Variants in ADH1B observed in about 807,000 individuals in gnomAD.
The protein encoded by ADH1B is alcohol dehydrogenase 1B (class I), beta polypeptide.
Under a neutral mutation model 34.6 loss-of-function variants are expected in ADH1B, and 29 were observed. The observed-to-expected ratio is 0.84, with a 90% CI of 0.62 to 1.14. ADH1B has a LOEUF of 1.14. Ranked by LOEUF, ADH1B falls within the 50% of genes most tolerant of loss-of-function variation. ADH1B has a pLI of 0.00. For missense variants in ADH1B, 424 were observed against 468.4 expected, an observed-to-expected ratio of 0.91 and a Z score of 0.87; for synonymous variants, 170 against 175.5, an observed-to-expected ratio of 0.97 and a Z score of 0.25.
At chr4:99,317,686 A>G (rs889436670) in intron 3 of ADH1B, 3 of 215,016 alleles carry the variant, frequency 1.4e-5, no homozygotes, top group African/African-American at 4.6e-5. Context: ...TTCTACTTCT[A>G]TCTGGGCCCT....
At chr4:99,317,743 A>G (rs915109069) in intron 3 of ADH1B, 2 of 338,770 alleles carry the variant, frequency 5.9e-6, no homozygotes, top group Non-Finnish European at 1.1e-5. Context: ...TTACTGGACT[A>G]TGAATGCCAC....
At chr4:99,316,875 C>G (rs966833371) in intron 3 of ADH1B, 4 of 151,136 alleles carry the variant, frequency 2.6e-5, no homozygotes, top group Non-Finnish European at 5.9e-5. Flanking sequence ...AAAAATGGGA[C>G]AAAGAAGAAT....
chr4:99,310,476 GT>G (rs1021482497), intron 8 of ADH1B: 113 of 360,488 alleles, frequency 3.1e-4, no homozygotes, highest in East Asian at 5.3e-4. Flanking sequence ...TTTTTGTGGG[GT>G]TTTTTTTGGG....
chr4:99,308,698 A>G (rs1200351368), intron 8 of ADH1B, among the ~76,000 whole-genome samples: 1 of 152,082 alleles, frequency 6.6e-6, no homozygotes, highest in Non-Finnish European at 1.5e-5. Flanking sequence ...ATGTATATGC[A>G]TATGCATATA....
At chr4:99,314,288 T>TTTGTAA in intron 5 of ADH1B, 1 of 769,240 alleles carries the variant, frequency 1.3e-6, no homozygotes, top group Non-Finnish European at 2.0e-6. Flanking sequence ...TGATGCATAT[T>TTTGTAA]AGATTCATCT....
rs1733738237 is a variant in ADH1B, at chr4:99,310,889, CT to C, written c.978del (p.Glu327LysfsTer20). On this transcript the variant is annotated frameshift_variant, in exon 8 of 9. Transcript: ENST00000305046. LOFTEE classifies it high-confidence loss of function. ...TCAGCCACAAGTTTTGGGATACCTT[CT>C]TTACTCTTAAAGCCTGAAAAGAAGA... ...KGAVYGGFKS[K>X]EGIPKLVADF... The C allele has an allele frequency of 6.2e-7, 1 of 1,613,338 alleles. No individual in the cohort carries two copies.
rs1364064295 is a variant in ADH1B at position 99,305,545 on chromosome 4, C to A, written c.*2295G>T. 2 of 82,570 alleles carry A rather than the reference C, an allele frequency of 2.4e-5. No individual in the cohort carries two copies. The highest frequency in any genetic ancestry group is 4.5e-5 in the Non-Finnish European group (2 of 44,472). The allele number at this position is 82,570 out of a possible 1,614,324, so 5.1% of individuals were successfully genotyped here. ...ATATACAATCACTTAACTATATGAACCACTTGCCCCATAGTGTATATATAT... is the reference window on the plus strand; with the variant it reads ...ATATACAATCACTTAACTATATGAAACACTTGCCCCATAGTGTATATATAT... On this transcript the variant is annotated 3_prime_UTR_variant, in exon 9 of 9. Transcript: ENST00000305046.
intron 6 of ADH1B, among the ~76,000 whole-genome samples, chr4:99,312,030 C>A (rs922977668): frequency 3.3e-5 from 5 of 152,198 alleles, no homozygotes; most frequent in Non-Finnish European, 7.3e-5. Context: ...TTCTACTGTC[C>A]ATTTCTCAAA....
At chr4:99,310,651 A>G (rs1354650465) in intron 8 of ADH1B, 114 bp downstream of exon 8, 2 of 1,387,122 alleles carry the variant, frequency 1.4e-6, no homozygotes, top group Admixed American at 2.6e-5. Flanking sequence ...CTGAACTGGT[A>G]ATGGAAAACC....
chr4:99,310,672 A>G, intron 8 of ADH1B, 93 bp downstream of exon 8: 2 of 1,495,724 alleles, frequency 1.3e-6, no homozygotes, highest in Non-Finnish European at 8.9e-7. Flanking sequence ...AAGGGACTCT[A>G]TATTTTCTCA....
intron 6 of ADH1B, among the ~76,000 whole-genome samples, chr4:99,312,293 C>T (rs1346163592): frequency 1.3e-5 from 2 of 152,244 alleles, no homozygotes; most frequent in Non-Finnish European, 1.5e-5. Context: ...CACTTGGTAT[C>T]TTAAGATAAG....
chr4:99,316,199 A>G lies in ADH1B; in HGVS notation c.347+16T>C. ...GCAAACTCAAAGTCTGTGCAAAGAGAGCATCAGAAACCTACTCATTTTTCA... is the reference window on the plus strand; with the variant it reads ...GCAAACTCAAAGTCTGTGCAAAGAGGGCATCAGAAACCTACTCATTTTTCA... On this transcript the variant is annotated intron_variant, in intron 4 of 8. Transcript: ENST00000305046. 1 of 1,614,096 alleles carries G rather than the reference A, an allele frequency of 6.2e-7. No individual in the cohort carries two copies. The highest frequency in any genetic ancestry group is 8.5e-7 in the Non-Finnish European group (1 of 1,179,938).
At chr4:99,315,696 C>A in intron 5 of ADH1B, 1 of 655,624 alleles carries the variant, frequency 1.5e-6, no homozygotes, top group South Asian at 2.0e-5. Context: ...TAAATGACAT[C>A]TTTATTCGTA....
chr4:99,315,121 T>C (rs959786918), intron 5 of ADH1B: 1 of 152,158 alleles, frequency 6.6e-6, no homozygotes, highest in African/African-American at 2.4e-5. Flanking sequence ...CAGCAGGAGA[T>C]TTGAAAAAGA....
In ADH1B at chr4:99,316,297, T is replaced by C; in HGVS notation, c.265A>G (p.Lys89Glu). The change falls in exon 4 of 9, where the codon AAA (lysine) becomes GAA (glutamate). Residue 89 changes from lysine to glutamate, a missense_variant. Coordinates refer to ENST00000305046, the MANE Select transcript of ADH1B (RefSeq NM_000668.6). ...TGAGGAGTAAAGAGCGGGATGACTT[T>C]ATCACCTGGAGAGGAATAAAACAAG... ...EGVTTVKPGD[K>E]VIPLFTPQCG... 6.2e-7 allele frequency: 1 copy of C among 1,613,768 alleles called. No individual in the cohort carries two copies. The highest frequency in any genetic ancestry group is 8.5e-7 in the Non-Finnish European group (1 of 1,179,914).
At chr4:99,310,648 G>T in intron 8 of ADH1B, 117 bp downstream of exon 8, 2 of 1,363,686 alleles carry the variant, frequency 1.5e-6, no homozygotes, top group Admixed American at 2.6e-5. Context: ...AGACTGAACT[G>T]GTAATGGAAA....
chr4:99,308,124 C>G (rs1733658562), intron 8 of ADH1B, among the ~76,000 whole-genome samples: 1 of 152,102 alleles, frequency 6.6e-6, no homozygotes, highest in African/African-American at 2.4e-5. Flanking sequence ...ATTAATTCTA[C>G]ATTAGCATCT....
In ADH1B at chr4:99,305,559, GTGTATATATATATATATATATATATA is replaced by G. The variant is rs1253405666; in HGVS notation, c.*2255_*2280del. 176 of 43,104 alleles carry G rather than the reference GTGTATATATATATATATATATATATA, an allele frequency of 4.1e-3. 5 individuals carry two copies. The highest frequency in any genetic ancestry group is 5.6e-3 in the Non-Finnish European group (139 of 25,020). 2.7% of individuals were successfully genotyped at this position (43,104 alleles called of 1,614,324 possible). A position where few individuals can be genotyped will look rare whatever the true frequency, so the allele number is the denominator to read the frequency against. On this transcript the variant is annotated 3_prime_UTR_variant, in exon 9 of 9. Transcript: ENST00000305046. Reference sequence around the variant, plus strand: ...AACTATATGAACCACTTGCCCCATAGTGTATATATATATATATATATATATATATATATATATATATATATATATAC... The same window carrying G: ...AACTATATGAACCACTTGCCCCATAGTATATATATATATATATATATATAC...
In ADH1B at chr4:99,310,817, A is replaced by C; in HGVS notation, c.1051T>G (p.Leu351Val). Reference protein sequence around the residue: ...FSLDALITHVLPFEKINEGFD... With the variant: ...FSLDALITHVVPFEKINEGFD... The stretch of plus-strand genomic sequence containing the variant: ...CCTTCATTTATTTTTTCAAAAGGTA[A>C]AACATGGGTTATTAACGCATCCAGT... The change falls in exon 8 of 9, where the codon TTA becomes GTA. Residue 351 changes from leucine (L) to valine (V), a missense_variant. Around this residue, in one of 3 missense-constraint regions of ADH1B, gnomAD observed 130 missense variants for 151.8 expected, o/e 0.86. Transcript: ENST00000305046. 1 of 1,613,044 alleles carries C rather than the reference A, an allele frequency of 6.2e-7. No homozygotes were observed. The highest frequency in any genetic ancestry group is 1.1e-5 in the South Asian group (1 of 90,650).
Sources: allele counts gnomAD v4.1 joint callset (sites outside exome capture counted in the v4.1 genomes callset), GRCh38; gene constraint gnomAD v4.1.1; regional missense constraint gnomAD v4.1.1; transcripts MANE v1.5; gene names NCBI Gene and HGNC (gene_info 2026-07-23, HGNC 2026-07-21).